Variants in SLC49A3 observed in about 807,000 individuals in gnomAD.
The protein encoded by SLC49A3 is solute carrier family 49 member 3, also known as solute carrier family 49 member A3.
In SLC49A3, 50 loss-of-function variants were observed where a neutral mutation model predicts 43.8. The observed-to-expected ratio is 1.14, with a 90% CI of 0.91 to 1.45. The LOEUF (loss-of-function observed/expected upper bound fraction) is 1.45, where lower values mean the gene tolerates loss of function less well. Among genes scored for constraint, SLC49A3 ranks in the 40% most tolerant of loss-of-function variants. The probability of loss-of-function intolerance (pLI) is 0.00; values close to 1 mark genes in which losing one functional copy is unlikely to be tolerated. For missense variants in SLC49A3, 906 were observed against 774.1 expected, an observed-to-expected ratio of 1.17 and a Z score of -2.02; for synonymous variants, 413 against 352.0, an observed-to-expected ratio of 1.17 and a Z score of -1.94.
Position 682,684 on chromosome 4 carries a change from G to A in SLC49A3, c.1261+97C>T. 5.9e-6 allele frequency: 6 copies of A among 1,009,780 alleles called. No homozygotes were observed. In the South Asian group the frequency reaches 1.1e-4, roughly 19 times the overall value. The allele number at this position is 1,009,780 out of a possible 1,614,324, so 62.6% of individuals were successfully genotyped here. On this transcript the variant is annotated intron_variant, in intron 9 of 9. Coordinates refer to ENST00000322224, the MANE Select transcript of SLC49A3 (RefSeq NM_032219.4). ...TGGTGCTCACCTGTCCTGCTGTTTA[G>A]GGCTCCCCACGTAGGGTTCACCTGT...
At chr4:686,404 C>T (rs1232590225) in intron 2 of SLC49A3, 102 bp from the exon 3 acceptor site, 22 of 1,567,690 alleles carry the variant, frequency 1.4e-5, no homozygotes, top group African/African-American at 5.4e-5. Flanking sequence ...GCCACCTCGA[C>T]GGCTCTGCCG....
In SLC49A3 at chr4:683,334, C is replaced by T. The variant is rs775233793; in HGVS notation, c.1027G>A (p.Ala343Thr). The change falls in exon 8 of 10, where the codon GCT (alanine) becomes ACT (threonine). Residue 343 changes from alanine (A) to threonine (T), a missense_variant. Ala to Thr is a moderately conservative substitution (Grantham distance 58, BLOSUM62 0). Coordinates refer to ENST00000322224, the MANE Select transcript of SLC49A3 (RefSeq NM_032219.4). The part of the protein sequence containing the change: ...SQLQGQTLAL[A>T]ATCSLLGLFG... Reference sequence around the variant, plus strand: ...AGCCCGAGCAGCGAGCAGGTGGCAGCCAGGGCAAGGGTCTGTCCCTGCAGC... The same window carrying T: ...AGCCCGAGCAGCGAGCAGGTGGCAGTCAGGGCAAGGGTCTGTCCCTGCAGC... 2 of 1,612,144 alleles carry T rather than the reference C, an allele frequency of 1.2e-6. No individual in the cohort carries two copies. Among genetic ancestry groups the T allele is most frequent in the Admixed American group, 3.3e-5 (2 of 59,968 alleles).
downstream of SLC49A3, chr4:678,316 T>C (rs1739062935): frequency 7.0e-7 from 1 of 1,424,016 alleles, no homozygotes; most frequent in African/African-American, 1.4e-5. Flanking sequence ...AAAATCCCGG[T>C]ACCCAGAACA....
At position 684,606 on chromosome 4, in the gene SLC49A3, G is replaced by A. The variant is rs756281368; in HGVS notation, c.724-7C>T. The A allele has an allele frequency of 2.5e-6, 4 of 1,612,658 alleles. No homozygotes were observed. Among genetic ancestry groups the A allele is most frequent in the Middle Eastern group, 1.7e-4 (1 of 6,058 alleles). On this transcript the variant is annotated splice_region_variant and splice_polypyrimidine_tract_variant and intron_variant, in intron 5 of 9. Coordinates refer to ENST00000322224, the MANE Select transcript of SLC49A3 (RefSeq NM_032219.4). The stretch of plus-strand genomic sequence containing the variant: ...AGGCCTTGTTCCACATGAGCTGCTG[G>A]GAAAGAGCGTCTCAGCCCCGGAGCC...
chr4:685,742 ACAGGAACACGGACACACTTGGGAT>A lies in SLC49A3; in HGVS notation c.585+69_585+92del, dbSNP rs1334105653. The A allele has an allele frequency of 2.9e-5, 40 of 1,362,692 alleles. No homozygotes were observed. The highest frequency in any genetic ancestry group is 9.0e-5 in the Admixed American group (5 of 55,520). The allele number at this position is 1,362,692 out of a possible 1,614,324, so 84.4% of individuals were successfully genotyped here. A position where few individuals can be genotyped will look rare whatever the true frequency, so the allele number is the denominator to read the frequency against. ...CGGGGGACGGGAATCACACACGGGC[ACAGGAACACGGACACACTTGGGAT>A]CAGGAACACACAGACGTGCATGCGC... On this transcript the variant is annotated intron_variant, in intron 4 of 9. Transcript: ENST00000322224. This position sits in a 1 kb window ranked among gnomAD's most constrained non-coding sequence, Gnocchi z 4.3.
At chr4:677,918 G>T, downstream of SLC49A3, 3 of 1,590,034 alleles carry the variant, frequency 1.9e-6, no homozygotes, top group South Asian at 1.1e-5. Context: ...GCCTGTCCTT[G>T]TAGGGAGTGG....
chr4:683,470 C>T (rs1350991181), intron 7 of SLC49A3, 103 bp from the exon 8 acceptor site: 3 of 1,505,802 alleles, frequency 2.0e-6, no homozygotes, highest in Non-Finnish European at 2.7e-6. Flanking sequence ...ACCCATCCCA[C>T]CCCGGGGCCA....
Position 685,672 on chromosome 4 carries a change from A to G in SLC49A3, c.585+163T>C, listed in dbSNP as rs1275187509. On this transcript the variant is annotated intron_variant, in intron 4 of 9. Coordinates refer to ENST00000322224, the MANE Select transcript of SLC49A3 (RefSeq NM_032219.4). This position sits in a 1 kb window ranked among gnomAD's most constrained non-coding sequence, Gnocchi z 4.3. ...AGTGAGCCGAGATCGCGCCACTGCA[A>G]TTCAGCCTGAGCGACAGGCTGAGAC... Among the ~76,000 whole-genome samples, 1 of 151,972 alleles carries G rather than the reference A, an allele frequency of 6.6e-6. No individual in the cohort carries two copies. Among genetic ancestry groups the G allele is most frequent in the Non-Finnish European group, 1.5e-5 (1 of 67,984 alleles).
chr4:681,990 A>C lies in SLC49A3; in HGVS notation c.1648T>G (p.Ser550Ala), dbSNP rs1042040611. The C allele has an allele frequency of 7.1e-7, 1 of 1,412,498 alleles. No individual in the cohort carries two copies. Among genetic ancestry groups the C allele is most frequent in the African/African-American group, 1.5e-5 (1 of 67,246 alleles). The allele number at this position is 1,412,498 out of a possible 1,614,324, so 87.5% of individuals were successfully genotyped here. A position where few individuals can be genotyped will look rare whatever the true frequency, so the allele number is the denominator to read the frequency against. ...ATCACCCACGGGGAGGAGAAGGAGG[A>C]GTGAGACCCAGCCGGGTCAATAAAC... Reference protein sequence around the residue: ...SRFIDPAGSHSSFSSPWVIT With the variant: ...SRFIDPAGSHASFSSPWVIT Residue 550 changes from serine (S) to alanine (A), a missense_variant, in exon 10 of 10, where the codon TCC becomes GCC. Transcript: ENST00000322224.
downstream of SLC49A3, chr4:679,766 ACTGCCCCACGTGC>A: frequency 4.6e-6 from 3 of 651,902 alleles, no homozygotes; most frequent in Non-Finnish European, 8.2e-6. Flanking sequence ...AGATGCACCC[ACTGCCCCACGTGC>A]CTGGGCCAAG....
In SLC49A3 at chr4:683,754, GA is replaced by G. The variant is rs758826321; in HGVS notation, c.847del (p.Ser283ProfsTer97). 4.5e-6 allele frequency: 7 copies of G among 1,564,554 alleles called. No homozygotes were observed. The highest frequency in any genetic ancestry group is 6.1e-6 in the Non-Finnish European group (7 of 1,154,298). ...GATGAAGAGAGCGCCACAGAGGCCG[GA>G]AAACCCCTGGAGGAGGCGAGAAGAG... ...LCASGHSSGF[S>X]GLCGALFITF... On this transcript the variant is annotated frameshift_variant, in exon 7 of 10. Coordinates refer to ENST00000322224, the MANE Select transcript of SLC49A3 (RefSeq NM_032219.4). LOFTEE classifies it high-confidence loss of function.
At position 685,716 on chromosome 4, in the gene SLC49A3, G is replaced by T; in HGVS notation, c.585+119C>A. The T allele has an allele frequency of 9.3e-7, 1 of 1,072,604 alleles. No homozygotes were observed. The allele number at this position is 1,072,604 out of a possible 1,614,324, so 66.4% of individuals were successfully genotyped here. A position where few individuals can be genotyped will look rare whatever the true frequency, so the allele number is the denominator to read the frequency against. On this transcript the variant is annotated intron_variant, in intron 4 of 9. Coordinates refer to ENST00000322224, the MANE Select transcript of SLC49A3 (RefSeq NM_032219.4). This position sits in a 1 kb window ranked among gnomAD's most constrained non-coding sequence, Gnocchi z 4.3. ...CTGAGACTCCTTCTCGGGTGGCGGG[G>T]CGGGGGACGGGAATCACACACGGGC... is the stretch of plus-strand genomic sequence containing the variant.
chr4:677,834 G>A, downstream of SLC49A3: 1 of 875,804 alleles, frequency 1.1e-6, no homozygotes, highest in Admixed American at 2.0e-5. Flanking sequence ...GGGTGAGGCA[G>A]GGCAAGGGTG....
chr4:684,391 C>T (rs1740550978), intron 6 of SLC49A3, 92 bp downstream of exon 6: 5 of 1,539,764 alleles, frequency 3.2e-6, no homozygotes, highest in Non-Finnish European at 4.4e-6. Context: ...CCGCCAGGGT[C>T]GGACACTGGG....
intron 8 of SLC49A3, 134 bp downstream of exon 8, chr4:683,076 C>A: frequency 7.9e-7 from 1 of 1,271,666 alleles, no homozygotes; most frequent in Non-Finnish European, 1.1e-6. Context: ...AGAACCTGCT[C>A]GGCCCTTGCC....
Position 683,313 on chromosome 4 carries a change from C to T in SLC49A3, c.1048G>A (p.Gly350Arg), listed in dbSNP as rs777697325. The T allele has an allele frequency of 6.2e-6, 10 of 1,612,460 alleles. No homozygotes were observed. Among genetic ancestry groups the T allele is most frequent in the Middle Eastern group, 1.6e-4 (1 of 6,078 alleles). ...LALAATCSLLGLFGFSVGPVA... is the reference protein window; with the variant it reads ...LALAATCSLLRLFGFSVGPVA... Reference sequence around the variant, plus strand: ...GGGCCCACCGAGAAGCCAAACAGCCCGAGCAGCGAGCAGGTGGCAGCCAGG... The same window carrying T: ...GGGCCCACCGAGAAGCCAAACAGCCTGAGCAGCGAGCAGGTGGCAGCCAGG... The change falls in exon 8 of 10, where the codon GGG (glycine) becomes AGG (arginine). Residue 350 changes from glycine (G) to arginine (R), a missense_variant. Physicochemically the swap from Gly to Arg is moderately radical, Grantham distance 125 (BLOSUM62 -2). Coordinates refer to ENST00000322224, the MANE Select transcript of SLC49A3 (RefSeq NM_032219.4).
At chr4:678,003 G>GCAT, downstream of SLC49A3, 1 of 1,613,364 alleles carries the variant, frequency 6.2e-7, no homozygotes, top group Non-Finnish European at 8.5e-7. Context: ...CTGGGCAGAC[G>GCAT]CATCAAAGCA....
chr4:678,471 C>T, downstream of SLC49A3: 6 of 1,433,318 alleles, frequency 4.2e-6, no homozygotes, highest in Non-Finnish European at 5.5e-6. Flanking sequence ...CAGACACCTG[C>T]AGCCGTCCTG....
At chr4:686,724 A>G in intron 1 of SLC49A3, 34 bp from the exon 2 acceptor site, 2 of 1,600,388 alleles carry the variant, frequency 1.2e-6, no homozygotes, top group Non-Finnish European at 1.7e-6. Flanking sequence ...GCGCAGGGCC[A>G]CAGACCCCGG....
Sources: allele counts gnomAD v4.1 joint callset (sites outside exome capture counted in the v4.1 genomes callset), GRCh38; gene constraint gnomAD v4.1.1; non-coding constraint Gnocchi (gnomAD v3.1); transcripts MANE v1.5; gene names NCBI Gene and HGNC (gene_info 2026-07-23, HGNC 2026-07-21).